The following COL24A1 variants were observed in gnomAD, a reference collection of about 807,000 sequenced individuals.
COL24A1 encodes the protein collagen type XXIV alpha 1 chain.
COL24A1 carries 224 observed loss-of-function variants against 253.9 expected under a neutral mutation model. The observed-to-expected ratio is 0.88, with a 90% confidence interval of 0.79 to 0.99. The LOEUF is 0.99. Ranked by LOEUF, COL24A1 falls within the 50% of genes least tolerant of loss-of-function variation. The pLI, the probability that COL24A1 is intolerant of heterozygous loss-of-function variation, is 0.00. For synonymous variants in COL24A1, 685 were observed against 673.7 expected, an observed-to-expected ratio of 1.02 and a Z score of -0.26; for missense variants, 2,131 against 2,068.5, an observed-to-expected ratio of 1.03 and a Z score of -0.59.
chr1:86,044,988 T>C (rs776214369), intron 12 of COL24A1, among the ~76,000 whole-genome samples: 6 of 152,160 alleles, frequency 3.9e-5, no homozygotes, highest in Non-Finnish European at 5.9e-5. Context: ...AATTTATTTT[T>C]ATTTTTGTTT....
intron 10 of COL24A1, among the ~76,000 whole-genome samples, chr1:86,050,974 G>C (rs1392503347): frequency 6.6e-6 from 1 of 152,124 alleles, no homozygotes; most frequent in Non-Finnish European, 1.5e-5. Flanking sequence ...AAAAATTTTA[G>C]ACTGTATATA....
rs566495898 is a variant in COL24A1 at position 86,064,821 on chromosome 1, G to A, written c.1708-1062C>T. 3.3e-5 allele frequency among the ~76,000 whole-genome samples: 5 copies of A among 152,272 alleles called. No individual in the cohort carries two copies. In the South Asian group the frequency reaches 1.0e-3, roughly 32 times the overall value. Reference sequence around the variant, plus strand: ...GGTTGAAAAACGTCATTTAGAAGAGGTGCCTATTTGAAAACTAAAGGAATG... The same window carrying A: ...GGTTGAAAAACGTCATTTAGAAGAGATGCCTATTTGAAAACTAAAGGAATG... On this transcript the variant is annotated intron_variant, in intron 7 of 59. Coordinates refer to ENST00000370571, the MANE Select transcript of COL24A1 (RefSeq NM_152890.7).
intron 2 of COL24A1, among the ~76,000 whole-genome samples, chr1:86,141,462 G>C (rs779943137): frequency 4.6e-5 from 7 of 152,148 alleles, no homozygotes; most frequent in Non-Finnish European, 5.9e-5. Context: ...ACAAAATTGT[G>C]AGACAATCCT....
chr1:85,907,292 A>G, intron 27 of COL24A1, 45 bp from the exon 28 acceptor site: 1 of 1,464,030 alleles, frequency 6.8e-7, no homozygotes. Context: ...TTACAAGAAT[A>G]CTATCAGAAT....
intron 5 of COL24A1, among the ~76,000 whole-genome samples, chr1:86,102,740 G>A (rs1426556059): frequency 6.6e-6 from 1 of 152,216 alleles, no homozygotes; most frequent in Non-Finnish European, 1.5e-5. Flanking sequence ...TGTAGTCCAA[G>A]AGAGTGGTTG....
intron 43 of COL24A1, among the ~76,000 whole-genome samples, chr1:85,825,716 T>A (rs1570774198): frequency 6.8e-6 from 1 of 146,038 alleles, no homozygotes; most frequent in East Asian, 2.0e-4. Flanking sequence ...GCTGCATAAA[T>A]GTCTTCTTTT....
At chr1:85,958,077 G>A (rs1690647827) in intron 24 of COL24A1, among the ~76,000 whole-genome samples, 1 of 151,856 alleles carries the variant, frequency 6.6e-6, no homozygotes, top group Admixed American at 6.6e-5. Flanking sequence ...AGTGCTTTAT[G>A]TGCATTATCA....
At chr1:85,852,705 G>T (rs1677910823) in intron 37 of COL24A1, among the ~76,000 whole-genome samples, 4 of 152,042 alleles carry the variant, frequency 2.6e-5, no homozygotes, top group African/African-American at 9.6e-5. Flanking sequence ...ATTTTGTTTA[G>T]ATGTATTGCT....
At chr1:85,949,386 T>C (rs1441928166) in intron 24 of COL24A1, among the ~76,000 whole-genome samples, 4 of 152,240 alleles carry the variant, frequency 2.6e-5, no homozygotes, top group African/African-American at 7.2e-5. Context: ...ATAAAGTTTA[T>C]TTTCAGCTTG....
chr1:85,851,001 G>GTA (rs139769173), intron 37 of COL24A1, among the ~76,000 whole-genome samples: 1,775 of 139,130 alleles, frequency 0.013, 30 homozygotes, highest in South Asian at 0.06. Flanking sequence ...GTGTGTGTGT[G>GTA]TATATATATA....
chr1:86,114,319 C>T (rs956493518), intron 4 of COL24A1, among the ~76,000 whole-genome samples: 3 of 152,044 alleles, frequency 2.0e-5, no homozygotes, highest in African/African-American at 4.8e-5. Flanking sequence ...AGTAAACTGC[C>T]GTATTATGAG....
intron 47 of COL24A1, among the ~76,000 whole-genome samples, chr1:85,801,068 C>T (rs1671377334): frequency 6.6e-6 from 1 of 152,124 alleles, no homozygotes; most frequent in Non-Finnish European, 1.5e-5. Context: ...TGAGGTTCTC[C>T]TTTTTGAAAT....
At position 86,022,853 on chromosome 1, in the gene COL24A1, G is replaced by A; in HGVS notation, c.2128C>T (p.Pro710Ser). ...ATCACCTTATCACCTTTGATTCCAGGTAGTCCTTTATTCCCTGAAAGGCCC... is the reference window on the plus strand; with the variant it reads ...ATCACCTTATCACCTTTGATTCCAGATAGTCCTTTATTCCCTGAAAGGCCC... ...PMGLSGNKGL[P>S]GIKGDKGEQG... Residue 710 changes from proline to serine, a missense_variant, in exon 16 of 60, where the codon CCT becomes TCT. By Grantham distance (74) the Pro-to-Ser change is moderately conservative (BLOSUM62 -1). Transcript: ENST00000370571. 1.3e-6 allele frequency: 2 copies of A among 1,593,368 alleles called. No individual in the cohort carries two copies. Among genetic ancestry groups the A allele is most frequent in the South Asian group, 1.2e-5 (1 of 86,398 alleles).
At position 86,156,486 on chromosome 1, in the gene COL24A1, G is replaced by A; in HGVS notation, c.-90C>T. The A allele has an allele frequency of 8.5e-7, 1 of 1,181,840 alleles. No individual in the cohort carries two copies. Among genetic ancestry groups the A allele is most frequent in the Non-Finnish European group, 1.2e-6 (1 of 862,492 alleles). 73.2% of individuals were successfully genotyped at this position (1,181,840 alleles called of 1,614,324 possible). A position where few individuals can be genotyped will look rare whatever the true frequency, so the allele number is the denominator to read the frequency against. ...GGGTGCAGGTACTGTCCATGAAAAA[G>A]GGAAAAAACAATCACATGAAAACCA... On this transcript the variant is annotated 5_prime_UTR_variant, in exon 1 of 60. Transcript: ENST00000370571.
rs112242978 is a variant in COL24A1 at position 85,881,568 on chromosome 1, T to C, written c.2977-4393A>G. 3.1e-3 allele frequency among the ~76,000 whole-genome samples: 478 copies of C among 152,118 alleles called. 5 individuals carry two copies. Among genetic ancestry groups the C allele is most frequent in the Admixed American group, 4.7e-3 (72 of 15,286 alleles). On this transcript the variant is annotated intron_variant, in intron 32 of 59. Coordinates refer to ENST00000370571, the MANE Select transcript of COL24A1 (RefSeq NM_152890.7). ...TGAACCCAGGAGGTGGAGGTTGCAG[T>C]GAGCTGAGATCACGCCACTGCATTC...
chr1:85,889,537 G>A lies in COL24A1; in HGVS notation c.2976+23C>T, dbSNP rs879930861. 40 of 1,596,446 alleles carry A rather than the reference G, an allele frequency of 2.5e-5. No homozygotes were observed. The Admixed American group carries it at 6.7e-4, about 27-fold the overall frequency. ...GTATTTTATGAGAAAGACACAATTA[G>A]AAAAGTATAAAGATAAACTTACTGG... On this transcript the variant is annotated intron_variant, in intron 32 of 59. Transcript: ENST00000370571.
At chr1:85,911,301 A>G in intron 25 of COL24A1, 79 bp downstream of exon 25, 1 of 1,096,910 alleles carries the variant, frequency 9.1e-7, no homozygotes, top group Non-Finnish European at 1.4e-6. Flanking sequence ...TAATTAACAT[A>G]AAAGATCATA....
chr1:85,957,198 G>C (rs1158312039), intron 24 of COL24A1, among the ~76,000 whole-genome samples: 1 of 152,100 alleles, frequency 6.6e-6, no homozygotes. Context: ...CAGGGGATGG[G>C]GTGCAAGGGG....
At chr1:85,817,760 G>A (rs915309638) in intron 46 of COL24A1, among the ~76,000 whole-genome samples, 3 of 152,028 alleles carry the variant, frequency 2.0e-5, no homozygotes, top group African/African-American at 7.2e-5. Flanking sequence ...GTTTTTCAGT[G>A]GTTCACCGTC....
Sources: allele counts gnomAD v4.1 joint callset (sites outside exome capture counted in the v4.1 genomes callset), GRCh38; gene constraint gnomAD v4.1.1; transcripts MANE v1.5; gene names NCBI Gene and HGNC (gene_info 2026-07-23, HGNC 2026-07-21).